Variants in ABLIM2 observed in about 807,000 individuals in gnomAD.
The protein encoded by ABLIM2 is actin binding LIM protein family member 2.
A neutral mutation model predicts 97.7 loss-of-function variants in ABLIM2; 53 were observed. That is an observed-to-expected ratio of 0.54 (90% CI 0.44 to 0.68). The LOEUF (loss-of-function observed/expected upper bound fraction) is 0.68, where lower values mean the gene tolerates loss of function less well. Ranked by LOEUF, ABLIM2 falls within the 30% of genes least tolerant of loss-of-function variation. The pLI is 0.00. For synonymous variants in ABLIM2, 361 were observed against 345.8 expected (o/e 1.04, Z -0.49); for missense variants, 835 against 867.2 (o/e 0.96, Z 0.47).
At chr4:8,039,659 A>T (rs1460065052) in intron 9 of ABLIM2, among the ~76,000 whole-genome samples, 1 of 152,236 alleles carries the variant, frequency 6.6e-6, no homozygotes, top group Non-Finnish European at 1.5e-5. Context: ...TAACCCAGTC[A>T]ATGATAACAC....
chr4:8,074,739 G>A (rs1475948505), intron 6 of ABLIM2, among the ~76,000 whole-genome samples: 2 of 151,668 alleles, frequency 1.3e-5, no homozygotes, highest in Non-Finnish European at 2.9e-5. Context: ...CTGGAAGGCG[G>A]CATTGTGTCC....
intron 1 of ABLIM2, among the ~76,000 whole-genome samples, chr4:8,151,867 G>T (rs1712952044): frequency 6.6e-6 from 1 of 151,472 alleles, no homozygotes. Flanking sequence ...TGGGGGTGGG[G>T]GAGTCGGAGC....
chr4:7,990,506 T>C (rs1215210637), intron 17 of ABLIM2, among the ~76,000 whole-genome samples: 1 of 152,106 alleles, frequency 6.6e-6, no homozygotes, highest in Non-Finnish European at 1.5e-5. Flanking sequence ...TATTTGTTTG[T>C]TTGTTTGTTT....
At chr4:8,073,061 CT>C (rs1813395724) in intron 6 of ABLIM2, among the ~76,000 whole-genome samples, 1 of 152,028 alleles carries the variant, frequency 6.6e-6, no homozygotes, top group Admixed American at 6.5e-5. Flanking sequence ...CCATACCAGG[CT>C]GCTGTTTTTA....
At chr4:8,091,630 T>C (rs1252322158) in intron 3 of ABLIM2, among the ~76,000 whole-genome samples, 1 of 60,166 alleles carries the variant, frequency 1.7e-5, no homozygotes, top group Non-Finnish European at 2.8e-5. Context: ...TATATAAAAT[T>C]ATATATATAA....
chr4:8,061,092 G>A lies in ABLIM2; in HGVS notation c.676-38C>T. 6.5e-7 allele frequency: 1 copy of A among 1,548,240 alleles called. No individual in the cohort carries two copies. The highest frequency in any genetic ancestry group is 8.8e-7 in the Non-Finnish European group (1 of 1,142,560). On this transcript the variant is annotated intron_variant, in intron 6 of 20. Coordinates refer to ENST00000447017, the MANE Select transcript of ABLIM2 (RefSeq NM_001130083.2). The surrounding 1 kb of genome is among the most constrained non-coding windows in gnomAD (Gnocchi z 4.5). Reference sequence around the variant, plus strand: ...CACAAAGCAGAATGTTTCTACTAAAGCCAGAAAGGTCGGCTGGGTCCCAGC... The same window carrying A: ...CACAAAGCAGAATGTTTCTACTAAAACCAGAAAGGTCGGCTGGGTCCCAGC...
At chr4:8,093,418 C>G (rs10008298) in intron 3 of ABLIM2, among the ~76,000 whole-genome samples, 38,774 of 152,050 alleles carry the variant, frequency 0.26, 5,187 homozygotes, top group East Asian at 0.3. Flanking sequence ...CTTAGCTTTG[C>G]GTGTCTAAAA....
At chr4:8,049,306 C>T (rs368592715) in intron 8 of ABLIM2, among the ~76,000 whole-genome samples, 46 of 152,368 alleles carry the variant, frequency 3.0e-4, no homozygotes, top group African/African-American at 9.6e-4. Flanking sequence ...GGCATTTGCA[C>T]TGGGGACAGG....
At chr4:8,036,651 C>A (rs747735983) in intron 9 of ABLIM2, among the ~76,000 whole-genome samples, 1 of 152,214 alleles carries the variant, frequency 6.6e-6, no homozygotes, top group Non-Finnish European at 1.5e-5. Flanking sequence ...GTAGGCCTTG[C>A]GGAAGTGTCT....
chr4:7,985,397 G>A (rs1281966886), intron 17 of ABLIM2, among the ~76,000 whole-genome samples: 1 of 152,126 alleles, frequency 6.6e-6, no homozygotes, highest in East Asian at 1.9e-4. Context: ...GTCCACCCTG[G>A]GCCCTCTGTT....
At chr4:8,017,851 G>A (rs1770577005) in intron 14 of ABLIM2, among the ~76,000 whole-genome samples, 1 of 152,168 alleles carries the variant, frequency 6.6e-6, no homozygotes, top group Admixed American at 6.5e-5. Context: ...AAAATTAGCT[G>A]GCACGATGGT....
Position 8,061,127 on chromosome 4 carries a change from G to C in ABLIM2, c.676-73C>G, listed in dbSNP as rs1338129430. The C allele has an allele frequency of 5.3e-6, 7 of 1,316,294 alleles. No homozygotes were observed. The highest frequency in any genetic ancestry group is 6.4e-6 in the Non-Finnish European group (6 of 937,882). 81.5% of individuals were successfully genotyped at this position (1,316,294 alleles called of 1,614,324 possible). On this transcript the variant is annotated intron_variant, in intron 6 of 20. Coordinates refer to ENST00000447017, the MANE Select transcript of ABLIM2 (RefSeq NM_001130083.2). This position sits in a 1 kb window ranked among gnomAD's most constrained non-coding sequence, Gnocchi z 4.5. ...TCGGCTGGGTCCCAGCGCCCGGCATGGATACAGCATGCCCTGAGCACAGGT... is the reference window on the plus strand; with the variant it reads ...TCGGCTGGGTCCCAGCGCCCGGCATCGATACAGCATGCCCTGAGCACAGGT...
At chr4:8,111,107 C>A (rs1476386286) in intron 1 of ABLIM2, among the ~76,000 whole-genome samples, 1 of 152,238 alleles carries the variant, frequency 6.6e-6, no homozygotes, top group Non-Finnish European at 1.5e-5. Context: ...GGTCCTTCAG[C>A]AGGTGAATGG....
chr4:8,120,717 TGATGAACCC>T lies in ABLIM2; in HGVS notation c.11-14089_11-14081del, dbSNP rs1845026089. 1.3e-5 allele frequency among the ~76,000 whole-genome samples: 2 copies of T among 152,328 alleles called. No homozygotes were observed. Among genetic ancestry groups the T allele is most frequent in the South Asian group, 4.2e-4 (2 of 4,818 alleles). The stretch of plus-strand genomic sequence containing the variant: ...CTCAGCTTACAGTGCAGGTCCGTCC[TGATGAACCC>T]GGGGCAAGCTCGTGACATCACTAAG... On this transcript the variant is annotated intron_variant, in intron 1 of 20. Transcript: ENST00000447017. The surrounding 1 kb of genome is among the most constrained non-coding windows in gnomAD (Gnocchi z 5.6).
chr4:8,117,899 C>T (rs1843503347), intron 1 of ABLIM2, among the ~76,000 whole-genome samples: 1 of 152,220 alleles, frequency 6.6e-6, no homozygotes, highest in Non-Finnish European at 1.5e-5. Flanking sequence ...GTCCCCACCC[C>T]AGTGATCAAC....
intron 10 of ABLIM2, among the ~76,000 whole-genome samples, chr4:8,035,038 G>A (rs1783694454): frequency 2.1e-5 from 3 of 141,490 alleles, no homozygotes; most frequent in Admixed American, 7.0e-5. Context: ...GGGTGCAGGT[G>A]GGTGATGGGT....
chr4:8,010,946 C>T (rs952812605), intron 14 of ABLIM2, among the ~76,000 whole-genome samples: 1 of 152,232 alleles, frequency 6.6e-6, no homozygotes, highest in African/African-American at 2.4e-5. Context: ...CAACCATTGT[C>T]CAAGCCAGAG....
rs566578452 is a variant in ABLIM2, at chr4:8,019,040, C to T, written c.1423+578G>A. ...GCCCCGATTCCTGCTCCATGGCCCA[C>T]GCAAGCTGCTCCCTGCGCACCTCCC... is the stretch of plus-strand genomic sequence containing the variant. On this transcript the variant is annotated intron_variant, in intron 14 of 20. Transcript: ENST00000447017. This position sits in a 1 kb window ranked among gnomAD's most constrained non-coding sequence, Gnocchi z 4.3. Among the ~76,000 whole-genome samples, 26 of 152,202 alleles carry T rather than the reference C, an allele frequency of 1.7e-4. No homozygotes were observed. Among genetic ancestry groups the T allele is most frequent in the Non-Finnish European group, 2.8e-4 (19 of 68,040 alleles).
chr4:7,999,853 C>A lies in ABLIM2; in HGVS notation c.1619-6926G>T, dbSNP rs1755863499. On this transcript the variant is annotated intron_variant, in intron 16 of 20. Coordinates refer to ENST00000447017, the MANE Select transcript of ABLIM2 (RefSeq NM_001130083.2). The surrounding 1 kb of genome is among the most constrained non-coding windows in gnomAD (Gnocchi z 4.4). Reference sequence around the variant, plus strand: ...AAGCCTGCCATAGCCACCTTGCCCTCAGCACCCCGCCAGGCCTGCTCTTGG... The same window carrying A: ...AAGCCTGCCATAGCCACCTTGCCCTAAGCACCCCGCCAGGCCTGCTCTTGG... 2.0e-5 allele frequency among the ~76,000 whole-genome samples: 3 copies of A among 152,224 alleles called. No homozygotes were observed. In the South Asian group the frequency reaches 6.2e-4, roughly 31 times the overall value.
Sources: gnomAD v4.1 joint callset for allele counts (sites outside exome capture counted in the v4.1 genomes callset) on GRCh38, gnomAD v4.1.1 for gene constraint, Gnocchi (gnomAD v3.1) non-coding constraint, MANE v1.5 for transcripts, NCBI Gene and HGNC (gene_info 2026-07-23, HGNC 2026-07-21) for gene names.